BCL2A1: variants seen among roughly 807,000 people sequenced by gnomAD.
BCL2A1 encodes the protein BCL2 related protein A1, also known as bcl-2-related protein A1.
BCL2A1 carries 10 observed loss-of-function variants against 14.4 expected under a neutral mutation model. The observed-to-expected ratio is 0.69, with a 90% confidence interval of 0.43 to 1.18. The LOEUF is 1.18. Among genes scored for constraint, BCL2A1 ranks in the 50% most tolerant of loss-of-function variants. The pLI is 0.00. For missense variants in BCL2A1, 158 were observed against 205.0 expected, an observed-to-expected ratio of 0.77 and a Z score of 1.40; for synonymous variants, 71 against 76.5, an observed-to-expected ratio of 0.93 and a Z score of 0.38.
chr15:79,967,511 C>T (rs1053410410), intron 1 of BCL2A1: 14 of 1,070,804 alleles, frequency 1.3e-5, no homozygotes, highest in Middle Eastern at 2.1e-4. Flanking sequence ...CCACTGCACC[C>T]GGCACATACC....
intron 1 of BCL2A1, among the ~76,000 whole-genome samples, chr15:79,970,135 A>C (rs1413424938): frequency 6.6e-6 from 1 of 152,098 alleles, no homozygotes; most frequent in Non-Finnish European, 1.5e-5. Context: ...ATTTATTATT[A>C]GTAATAATGT....
At chr15:79,970,201 T>C (rs2035580810) in intron 1 of BCL2A1, among the ~76,000 whole-genome samples, 1 of 152,154 alleles carries the variant, frequency 6.6e-6, no homozygotes, top group African/African-American at 2.4e-5. Context: ...TACTATTTAT[T>C]ATGTATTAGT....
rs2035583148 is a variant in BCL2A1, at chr15:79,970,589, G to A, written c.420+111C>T. 2.6e-6 allele frequency: 3 copies of A among 1,139,272 alleles called. No individual in the cohort carries two copies. The African/African-American group carries it at 4.7e-5, about 18-fold the overall frequency. 70.6% of individuals were successfully genotyped at this position (1,139,272 alleles called of 1,614,324 possible). On this transcript the variant is annotated intron_variant, in intron 1 of 1. Coordinates refer to ENST00000267953, the MANE Select transcript of BCL2A1 (RefSeq NM_004049.4). ...TTAAAAATTAAAACAAACCACCCAA[G>A]GAAAATAGTATTCTTAGGTAAAGTG...
intron 1 of BCL2A1, among the ~76,000 whole-genome samples, chr15:79,962,778 C>T (rs2035503134): frequency 6.6e-6 from 1 of 151,980 alleles, no homozygotes; most frequent in African/African-American, 2.4e-5. Flanking sequence ...GAACTCCTGA[C>T]CTCATGATCC....
chr15:79,963,868 C>A (rs1342278015), intron 1 of BCL2A1, among the ~76,000 whole-genome samples: 1 of 152,064 alleles, frequency 6.6e-6, no homozygotes, highest in Admixed American at 6.6e-5. Context: ...TATGATATAA[C>A]AAATTAATGA....
At chr15:79,968,268 G>T (rs775408855) in intron 1 of BCL2A1, among the ~76,000 whole-genome samples, 24 of 152,188 alleles carry the variant, frequency 1.6e-4, no homozygotes, top group Non-Finnish European at 2.6e-4. Context: ...GTATTTCTCT[G>T]CAGGCTCATC....
chr15:79,966,269 A>G (rs899097903), intron 1 of BCL2A1, among the ~76,000 whole-genome samples: 5 of 152,154 alleles, frequency 3.3e-5, no homozygotes, highest in Non-Finnish European at 5.9e-5. Flanking sequence ...TATTATATAC[A>G]TTATATAAGG....
intron 1 of BCL2A1, among the ~76,000 whole-genome samples, chr15:79,965,143 T>TTTTA (rs1567023487): frequency 2.0e-5 from 3 of 152,162 alleles, no homozygotes; most frequent in African/African-American, 7.2e-5. Context: ...ATTTTATTTT[T>TTTTA]TTGAGACAGA....
chr15:79,965,918 T>G (rs1446869232), intron 1 of BCL2A1, among the ~76,000 whole-genome samples: 3 of 150,148 alleles, frequency 2.0e-5, no homozygotes, highest in Non-Finnish European at 3.0e-5. Flanking sequence ...TTATTTGGCC[T>G]CAAATTGACC....
chr15:79,967,038 A>AT (rs1374152599), intron 1 of BCL2A1, among the ~76,000 whole-genome samples: 1 of 152,148 alleles, frequency 6.6e-6, no homozygotes, highest in East Asian at 1.9e-4. Context: ...TTTGATCCTT[A>AT]TACCAGTCCC....
At chr15:79,967,491 C>T in intron 1 of BCL2A1, 20 of 842,180 alleles carry the variant, frequency 2.4e-5, no homozygotes, top group Non-Finnish European at 3.5e-5. Flanking sequence ...GCTGGGATTA[C>T]AGGCATGAGC....
rs1231417096 is a variant in BCL2A1 at position 79,970,705 on chromosome 15, C to T, written c.415G>A (p.Gly139Ser). Residue 139 changes from glycine (G) to serine (S), a missense_variant, in exon 1 of 2, where the codon GGC becomes AGC. Transcript: ENST00000267953. ...NTGEWIRQNG[G>S]WENGFVKKFE... The stretch of plus-strand genomic sequence containing the variant: ...AATTTTTCCATCACACATACCCAGC[C>T]TCCGTTTTGCCTTATCCATTCTCCT... 2 of 1,595,790 alleles carry T rather than the reference C, an allele frequency of 1.3e-6. No individual in the cohort carries two copies. The highest frequency in any genetic ancestry group is 2.2e-5 in the South Asian group (2 of 89,356).
At chr15:79,968,115 C>T (rs975345939) in intron 1 of BCL2A1, among the ~76,000 whole-genome samples, 1 of 152,142 alleles carries the variant, frequency 6.6e-6, no homozygotes, top group Non-Finnish European at 1.5e-5. Flanking sequence ...CTCTTGCTAA[C>T]AGTGAGTTCC....
intron 1 of BCL2A1, 125 bp from the exon 2 acceptor site, chr15:79,961,299 A>C (rs2035488578): frequency 3.4e-6 from 3 of 878,360 alleles, no homozygotes; most frequent in East Asian, 2.7e-5. Context: ...ACCCCTGTTA[A>C]GCAGCAGCAT....
chr15:79,966,007 C>T (rs2035537878), intron 1 of BCL2A1, among the ~76,000 whole-genome samples: 1 of 151,468 alleles, frequency 6.6e-6, no homozygotes, highest in African/African-American at 2.4e-5. Context: ...CTGTATGACC[C>T]AACCTTTAAA....
chr15:79,968,931 CA>C (rs1332896204), intron 1 of BCL2A1, among the ~76,000 whole-genome samples: 12 of 151,932 alleles, frequency 7.9e-5, no homozygotes, highest in African/African-American at 2.9e-4. Flanking sequence ...AACTCTGTCT[CA>C]AAAAATTTAA....
At chr15:79,963,552 G>A (rs1252429207) in intron 1 of BCL2A1, among the ~76,000 whole-genome samples, 1 of 152,102 alleles carries the variant, frequency 6.6e-6, no homozygotes, top group African/African-American at 2.4e-5. Flanking sequence ...TTTATGCCTA[G>A]CAAACCTCAA....
At chr15:79,966,208 G>A (rs2035540146) in intron 1 of BCL2A1, among the ~76,000 whole-genome samples, 3 of 151,970 alleles carry the variant, frequency 2.0e-5, no homozygotes, top group Non-Finnish European at 4.4e-5. Flanking sequence ...AGGTAAGATT[G>A]TTTTCATTAA....
chr15:79,971,110 A>T lies in BCL2A1; in HGVS notation c.10T>A (p.Cys4Ser). 1 of 1,613,046 alleles carries T rather than the reference A, an allele frequency of 6.2e-7. No homozygotes were observed. Among genetic ancestry groups the T allele is most frequent in the South Asian group, 1.1e-5 (1 of 91,058 alleles). ...AGCCTGTAAATATATCCAAATTCAC[A>T]GTCTGTCATCTTCTGCCTGGTGGAG... MTD[C>S]EFGYIYRLAQ... is the part of the protein sequence containing the mutation. Residue 4 changes from cysteine to serine, a missense_variant, in exon 1 of 2, where the codon TGT becomes AGT. Physicochemically the swap from Cys to Ser is moderately radical, Grantham distance 112. Coordinates refer to ENST00000267953, the MANE Select transcript of BCL2A1 (RefSeq NM_004049.4).
Sources: allele counts gnomAD v4.1 joint callset (sites outside exome capture counted in the v4.1 genomes callset), GRCh38; gene constraint gnomAD v4.1.1; transcripts MANE v1.5; gene names NCBI Gene and HGNC (gene_info 2026-07-23, HGNC 2026-07-21).